FAM83D: variants seen among roughly 807,000 people sequenced by gnomAD.
The protein encoded by FAM83D is scaffolding CK1 anchoring protein D, also known as protein FAM83D.
FAM83D carries 26 observed loss-of-function variants against 25.4 expected under a neutral mutation model. The observed-to-expected ratio is 1.02, with a 90% CI of 0.75 to 1.42. The LOEUF (loss-of-function observed/expected upper bound fraction) is 1.42. Among genes scored for constraint, FAM83D ranks in the 40% most tolerant of loss-of-function variants. The pLI, the probability that FAM83D is intolerant of heterozygous loss-of-function variation, is 0.00. For missense variants in FAM83D, 740 were observed against 758.1 expected, an observed-to-expected ratio of 0.98 and a Z score of 0.28; for synonymous variants, 310 against 318.5, an observed-to-expected ratio of 0.97 and a Z score of 0.28.
At position 38,951,414 on chromosome 20, in the gene FAM83D, T is replaced by C. The variant is rs934612958; in HGVS notation, c.777-125T>C. The C allele has an allele frequency of 3.0e-6, 3 of 997,752 alleles. No individual in the cohort carries two copies. The African/African-American group carries it at 4.9e-5, about 16-fold the overall frequency. The allele number at this position is 997,752 out of a possible 1,614,324, so 61.8% of individuals were successfully genotyped here. On this transcript the variant is annotated intron_variant, in intron 3 of 3. Transcript: ENST00000619850. ...GTTAAATACATGCAAATGGTAGGTA[T>C]GATATCACCAAATTTGTGACCCTTA...
chr20:38,943,157 T>C (rs1409667734), intron 2 of FAM83D, among the ~76,000 whole-genome samples: 3 of 152,068 alleles, frequency 2.0e-5, no homozygotes, highest in Non-Finnish European at 4.4e-5. Context: ...CCCAGTTAGC[T>C]GGGATTACAG....
In FAM83D at chr20:38,929,961, T is replaced by C. The variant is rs372270723; in HGVS notation, c.483+3036T>C. Among the ~76,000 whole-genome samples, 23 of 152,316 alleles carry C rather than the reference T, an allele frequency of 1.5e-4. 1 individual carries two copies. The highest frequency in any genetic ancestry group is 5.5e-4 in the African/African-American group (23 of 41,572). The stretch of plus-strand genomic sequence containing the variant: ...GAGAATGAAGGAGCCTGTACTCAAA[T>C]TGAGGCACAGAATGTCTGAACCACT... On this transcript the variant is annotated intron_variant, in intron 1 of 3. Coordinates refer to ENST00000619850, the MANE Select transcript of FAM83D (RefSeq NM_030919.3).
chr20:38,944,932 C>G (rs1438067734), intron 2 of FAM83D, among the ~76,000 whole-genome samples: 1 of 148,430 alleles, frequency 6.7e-6, no homozygotes, highest in Non-Finnish European at 1.5e-5. Context: ...GAGAGAGACT[C>G]TGTCTCAAAA....
At chr20:38,931,953 T>G (rs1411820509) in intron 1 of FAM83D, among the ~76,000 whole-genome samples, 1 of 152,238 alleles carries the variant, frequency 6.6e-6, no homozygotes, top group Non-Finnish European at 1.5e-5. Context: ...TCTGTCTGCC[T>G]TTCCACTCAG....
At chr20:38,940,248 A>G (rs7343805) in intron 1 of FAM83D, among the ~76,000 whole-genome samples, 4 of 152,144 alleles carry the variant, frequency 2.6e-5, no homozygotes, top group Non-Finnish European at 4.4e-5. Flanking sequence ...GCAGCAGGAG[A>G]GTAACTGGTC....
chr20:38,934,251 T>C (rs1568695928), intron 1 of FAM83D, among the ~76,000 whole-genome samples: 1 of 152,142 alleles, frequency 6.6e-6, no homozygotes, highest in Non-Finnish European at 1.5e-5. Context: ...AGAAGGTATG[T>C]TACTTCAGGA....
intron 3 of FAM83D, among the ~76,000 whole-genome samples, chr20:38,948,209 T>G (rs2085737551): frequency 6.6e-6 from 1 of 152,168 alleles, no homozygotes; most frequent in Non-Finnish European, 1.5e-5. Flanking sequence ...AGTCCATAGA[T>G]TAAAATGCAG....
At chr20:38,933,144 T>C (rs965612608) in intron 1 of FAM83D, among the ~76,000 whole-genome samples, 1 of 152,194 alleles carries the variant, frequency 6.6e-6, no homozygotes, top group African/African-American at 2.4e-5. Flanking sequence ...GGTTGGATAA[T>C]TCTTTGTCCT....
At chr20:38,935,242 G>C (rs2085673953) in intron 1 of FAM83D, among the ~76,000 whole-genome samples, 1 of 152,088 alleles carries the variant, frequency 6.6e-6, no homozygotes, top group South Asian at 2.1e-4. Context: ...AAAATGATAA[G>C]CCCTCCTCCC....
At position 38,926,767 on chromosome 20, in the gene FAM83D, G is replaced by C; in HGVS notation, c.325G>C (p.Glu109Gln). 1 of 1,547,634 alleles carries C rather than the reference G, an allele frequency of 6.5e-7. No individual in the cohort carries two copies. The highest frequency in any genetic ancestry group is 8.7e-7 in the Non-Finnish European group (1 of 1,152,846). ...GTYFPEQSDL[E>Q]PPLLELGWPA... ...CTACTTCCCCGAGCAGTCGGACCTG[G>C]AGCCACCGCTGTTGGAGCTTGGCTG... Residue 109 changes from glutamate (E) to glutamine (Q), a missense_variant, in exon 1 of 4, where the codon GAG (glutamate) becomes CAG (glutamine). By Grantham distance (29) the Glu-to-Gln change is conservative. Coordinates refer to ENST00000619850, the MANE Select transcript of FAM83D (RefSeq NM_030919.3).
chr20:38,942,985 T>C (rs983280794), intron 2 of FAM83D, among the ~76,000 whole-genome samples: 1 of 151,982 alleles, frequency 6.6e-6, no homozygotes, highest in African/African-American at 2.4e-5. Context: ...GCAACCAGTA[T>C]TTTTTGAGCC....
chr20:38,944,395 T>C (rs2085717002), intron 2 of FAM83D, among the ~76,000 whole-genome samples: 1 of 152,162 alleles, frequency 6.6e-6, no homozygotes, highest in South Asian at 2.1e-4. Flanking sequence ...CACTTTGGCA[T>C]GGAAAAGAGC....
rs372421589 is a variant in FAM83D, at chr20:38,947,968, T to G, written c.744T>G (p.Ile248Met). ...IGKVHEKFTL[I>M]DGIRVATGSY... ...AGGTTCACGAAAAGTTCACGTTGAT[T>G]GATGGCATCCGCGTGGCAACAGGCT... is the stretch of plus-strand genomic sequence containing the variant. Residue 248 changes from isoleucine to methionine, a missense_variant, in exon 3 of 4, where the codon ATT (isoleucine) becomes ATG (methionine). Ile to Met is a conservative substitution (Grantham distance 10, BLOSUM62 1). Coordinates refer to ENST00000619850, the MANE Select transcript of FAM83D (RefSeq NM_030919.3). 5.5e-5 allele frequency: 89 copies of G among 1,614,114 alleles called. No individual in the cohort carries two copies. The highest frequency in any genetic ancestry group is 4.9e-5 in the Non-Finnish European group (58 of 1,180,042).
chr20:38,938,972 T>A (rs1241160521), intron 1 of FAM83D, among the ~76,000 whole-genome samples: 1 of 152,222 alleles, frequency 6.6e-6, no homozygotes, highest in Non-Finnish European at 1.5e-5. Flanking sequence ...TTCGAACTCA[T>A]TACTCTTATA....
At chr20:38,937,237 TAGAG>T (rs757862892) in intron 1 of FAM83D, among the ~76,000 whole-genome samples, 11 of 152,288 alleles carry the variant, frequency 7.2e-5, no homozygotes, top group Non-Finnish European at 1.5e-4. Context: ...TTCTAGTCCT[TAGAG>T]AGTGGGTGGG....
chr20:38,948,086 A>G (rs1039660532), intron 3 of FAM83D, 86 bp downstream of exon 3: 11 of 1,493,170 alleles, frequency 7.4e-6, no homozygotes, highest in East Asian at 4.6e-5. Context: ...TTTCCTCTCA[A>G]TGGGAGCCTG....
At chr20:38,939,859 A>G (rs527848937) in intron 1 of FAM83D, among the ~76,000 whole-genome samples, 4 of 151,966 alleles carry the variant, frequency 2.6e-5, no homozygotes, top group Non-Finnish European at 4.4e-5. Context: ...AGCCCTTTCC[A>G]TGCTTTGTTT....
intron 1 of FAM83D, among the ~76,000 whole-genome samples, chr20:38,931,276 A>G (rs1461621228): frequency 6.6e-6 from 1 of 152,244 alleles, no homozygotes; most frequent in Non-Finnish European, 1.5e-5. Flanking sequence ...GTCAGTTTTT[A>G]GAGTAGGAGG....
In FAM83D at chr20:38,948,108, A is replaced by C. The variant is rs2085736927; in HGVS notation, c.776+108A>C. The C allele has an allele frequency of 1.1e-5, 15 of 1,319,188 alleles. No individual in the cohort carries two copies. In the South Asian group the frequency reaches 2.0e-4, roughly 18 times the overall value. The allele number at this position is 1,319,188 out of a possible 1,614,324, so 81.7% of individuals were successfully genotyped here. A position where few individuals can be genotyped will look rare whatever the true frequency, so the allele number is the denominator to read the frequency against. On this transcript the variant is annotated intron_variant, in intron 3 of 3. Transcript: ENST00000619850. The stretch of plus-strand genomic sequence containing the variant: ...TCAATGGGAGCCTGTATGGCCATGC[A>C]TTCTGATATGCGTGCATCTGTGTAT...
Sources: allele counts gnomAD v4.1 joint callset (sites outside exome capture counted in the v4.1 genomes callset), GRCh38; gene constraint gnomAD v4.1.1; transcripts MANE v1.5; gene names NCBI Gene and HGNC (gene_info 2026-07-23, HGNC 2026-07-21).